Variants in PPFIA4 observed in about 807,000 individuals in gnomAD.
PPFIA4 encodes PPFI scaffold protein A4, also known as liprin-alpha-4.
A neutral mutation model predicts 145.7 loss-of-function variants in PPFIA4; 98 were observed. The observed-to-expected ratio is 0.67, with a 90% CI of 0.57 to 0.80. PPFIA4 has a LOEUF of 0.80. Ranked by LOEUF, PPFIA4 falls within the 30% of genes least tolerant of loss-of-function variation. The pLI, the probability that PPFIA4 is intolerant of heterozygous loss-of-function variation, is 0.00. For synonymous variants in PPFIA4, 628 were observed against 649.6 expected, an observed-to-expected ratio of 0.97 and a Z score of 0.51; for missense variants, 1,457 against 1,632.7, an observed-to-expected ratio of 0.89 and a Z score of 1.85.
At chr1:203,035,236 TA>T (rs1214361571) in intron 1 of PPFIA4, 2 of 455,226 alleles carry the variant, frequency 4.4e-6, no homozygotes, top group African/African-American at 4.0e-5. Flanking sequence ...CAGACGCTCC[TA>T]GCGGCCCTGC....
At chr1:203,035,186 C>T in intron 1 of PPFIA4, 2 of 413,662 alleles carry the variant, frequency 4.8e-6, no homozygotes, top group Non-Finnish European at 9.9e-6. Flanking sequence ...CTCGTGGCTG[C>T]CACCTGGAGG....
At position 203,043,943 on chromosome 1, in the gene PPFIA4, C is replaced by T. The variant is rs747957435; in HGVS notation, c.349C>T (p.His117Tyr). 52 of 1,605,906 alleles carry T rather than the reference C, an allele frequency of 3.2e-5. No homozygotes were observed. Among genetic ancestry groups the T allele is most frequent in the Admixed American group, 6.7e-5 (4 of 59,308 alleles). Residue 117 changes from histidine (H) to tyrosine (Y), a missense_variant, in exon 4 of 30, where the codon CAT (histidine) becomes TAT (tyrosine). This residue lies in a region of PPFIA4 where 463 missense variants were observed against 459.8 expected (regional missense o/e 1.01). Transcript: ENST00000295706. The surrounding 1 kb of genome is among the most constrained non-coding windows in gnomAD (Gnocchi z 4.4). ...ERNNTRLLLEHLECLVSRHER... is the reference protein window; with the variant it reads ...ERNNTRLLLEYLECLVSRHER... The stretch of plus-strand genomic sequence containing the variant: ...CTCTCCCTGCCAGCTGCTTCTGGAA[C>T]ATCTGGAGTGCCTGGTGTCCCGCCA...
chr1:203,044,190 G>A, intron 4 of PPFIA4, 95 bp downstream of exon 4: 1 of 1,364,556 alleles, frequency 7.3e-7, no homozygotes, highest in Non-Finnish European at 9.9e-7. Flanking sequence ...GGTATTTAGG[G>A]AGCACTGGCT....
At chr1:203,035,007 ATAAAT>A (rs1454888608) in intron 1 of PPFIA4, among the ~76,000 whole-genome samples, 3 of 152,246 alleles carry the variant, frequency 2.0e-5, no homozygotes, top group African/African-American at 7.2e-5. Context: ...GAGGATTAAA[ATAAAT>A]TAATCCATAC....
At chr1:203,053,425 C>T (rs903492279) in intron 14 of PPFIA4, among the ~76,000 whole-genome samples, 5 of 152,180 alleles carry the variant, frequency 3.3e-5, no homozygotes, top group East Asian at 1.9e-4. Context: ...CCTAGCTACT[C>T]GGGAGTCTGA....
At chr1:203,029,534 CTGTCTTACA>C (rs950499831) in intron 1 of PPFIA4, among the ~76,000 whole-genome samples, 1 of 152,252 alleles carries the variant, frequency 6.6e-6, no homozygotes, top group Non-Finnish European at 1.5e-5. Context: ...TGTGAACTTT[CTGTCTTACA>C]TGTCTTTTGC....
chr1:203,048,416 CCA>C lies in PPFIA4; in HGVS notation c.1224+109_1224+110del, dbSNP rs1558077915. 1.4e-6 allele frequency: 2 copies of C among 1,474,510 alleles called. No homozygotes were observed. The highest frequency in any genetic ancestry group is 1.4e-5 in the African/African-American group (1 of 71,538). The allele number at this position is 1,474,510 out of a possible 1,614,324, so 91.3% of individuals were successfully genotyped here. A position where few individuals can be genotyped will look rare whatever the true frequency, so the allele number is the denominator to read the frequency against. ...AGGAAGGGCCTGGCCAGGGACACAG[CCA>C]CAGAGAGTGGGAGGAGGCTGGCAGG... On this transcript the variant is annotated intron_variant, in intron 10 of 29. Transcript: ENST00000295706. This position sits in a 1 kb window ranked among gnomAD's most constrained non-coding sequence, Gnocchi z 5.8.
At chr1:203,034,086 T>C (rs10920549) in intron 1 of PPFIA4, among the ~76,000 whole-genome samples, 1 of 152,084 alleles carries the variant, frequency 6.6e-6, no homozygotes, top group East Asian at 1.9e-4. Flanking sequence ...GAGAAGCCCC[T>C]TGAAGAGAGG....
At position 203,051,840 on chromosome 1, in the gene PPFIA4, A is replaced by T. The variant is rs766939806; in HGVS notation, c.1583A>T (p.His528Leu). The change falls in exon 14 of 30, where the codon CAT (histidine) becomes CTT (leucine). Residue 528 changes from histidine (H) to leucine (L), a missense_variant. Physicochemically the swap from His to Leu is moderately conservative, Grantham distance 99. Around this residue, in one of 3 missense-constraint regions of PPFIA4, gnomAD observed 848 missense variants for 1,046.7 expected, o/e 0.81. Coordinates refer to ENST00000295706, the MANE Select transcript of PPFIA4 (RefSeq NM_001304331.2). Reference protein sequence around the residue: ...GTTTHAPPGVHRRYSALREES... With the variant: ...GTTTHAPPGVLRRYSALREES... ...ACCACACACGCACCCCCAGGCGTGC[A>T]TCGCCGCTACTCGGCATTGAGGGAA... 3.7e-6 allele frequency: 6 copies of T among 1,613,676 alleles called. No homozygotes were observed. The South Asian group carries it at 5.5e-5, about 15-fold the overall frequency.
At chr1:203,056,316 T>G in intron 17 of PPFIA4, 59 bp from the exon 18 acceptor site, 1 of 1,602,728 alleles carries the variant, frequency 6.2e-7, no homozygotes, top group Non-Finnish European at 8.5e-7. Flanking sequence ...TCTTCTGGGC[T>G]GGGTAGGCAG....
At chr1:203,038,161 G>A (rs1659436102) in intron 1 of PPFIA4, among the ~76,000 whole-genome samples, 1 of 152,180 alleles carries the variant, frequency 6.6e-6, no homozygotes, top group African/African-American at 2.4e-5. Context: ...CTCCCACTAA[G>A]AGTCCTTTCT....
At chr1:203,070,033 A>T (rs1484766899) in intron 27 of PPFIA4, among the ~76,000 whole-genome samples, 1 of 152,186 alleles carries the variant, frequency 6.6e-6, no homozygotes, top group Non-Finnish European at 1.5e-5. Context: ...TAAAAATGTT[A>T]TGTTCCCAAT....
At chr1:203,049,859 C>T in intron 13 of PPFIA4, 92 bp downstream of exon 13, 1 of 1,106,618 alleles carries the variant, frequency 9.0e-7, no homozygotes, top group East Asian at 3.0e-5. Context: ...CTGCCCAGGA[C>T]CTCAGGGTCC....
intron 1 of PPFIA4, chr1:203,034,578 G>A (rs1207248854): frequency 2.2e-6 from 1 of 456,348 alleles, no homozygotes. Flanking sequence ...CAGGGAAGCT[G>A]CCTACAACTT....
chr1:203,052,052 C>T (rs1660565380), intron 14 of PPFIA4, among the ~76,000 whole-genome samples, 175 bp downstream of exon 14: 2 of 140,062 alleles, frequency 1.4e-5, no homozygotes, highest in South Asian at 4.7e-4. Context: ...TGTGCCCCCC[C>T]CCCCGCTTGC....
rs545466338 is a variant in PPFIA4, at chr1:203,061,469, A to C, written c.2848-183A>C. 1.0e-5 allele frequency: 6 copies of C among 588,156 alleles called. No individual in the cohort carries two copies. The South Asian group carries it at 1.5e-4, about 15-fold the overall frequency. 36.4% of individuals were successfully genotyped at this position (588,156 alleles called of 1,614,324 possible). On this transcript the variant is annotated intron_variant, in intron 23 of 29. Coordinates refer to ENST00000295706, the MANE Select transcript of PPFIA4 (RefSeq NM_001304331.2). Reference sequence around the variant, plus strand: ...GCCACACACACATTTGCCCCACCTCAACGCAAACATGGGTGCACACACCAA... The same window carrying C: ...GCCACACACACATTTGCCCCACCTCCACGCAAACATGGGTGCACACACCAA...
At position 203,077,917 on chromosome 1, in the gene PPFIA4, A is replaced by T. The variant is rs1380098224; in HGVS notation, c.*1527A>T. ...AGGGGCCAGTGCAGTGCCATCCTAC[A>T]GGTGGCTGGAGCAGCTGCTTTGCAA... On this transcript the variant is annotated 3_prime_UTR_variant, in exon 30 of 30. Transcript: ENST00000295706. 1 of 152,282 alleles carries T rather than the reference A, an allele frequency of 6.6e-6. No homozygotes were observed. The highest frequency in any genetic ancestry group is 1.5e-5 in the Non-Finnish European group (1 of 68,066). 9.4% of individuals were successfully genotyped at this position (152,282 alleles called of 1,614,324 possible).
intron 1 of PPFIA4, among the ~76,000 whole-genome samples, chr1:203,036,086 TC>T (rs1265535079): frequency 1.3e-5 from 2 of 152,184 alleles, no homozygotes; most frequent in Non-Finnish European, 2.9e-5. Flanking sequence ...GAGGTCCTGT[TC>T]TTCCTTCCTG....
chr1:203,068,644 A>G lies in PPFIA4; in HGVS notation c.3324+16A>G, dbSNP rs1661903946. 6 of 1,486,702 alleles carry G rather than the reference A, an allele frequency of 4.0e-6. No individual in the cohort carries two copies. The highest frequency in any genetic ancestry group is 5.4e-6 in the Non-Finnish European group (6 of 1,119,520). 92.1% of individuals were successfully genotyped at this position (1,486,702 alleles called of 1,614,324 possible). ...GAACACCCAGGTGGGCAGCCTTTTAATCAGTCAACTTGAGTCTCTCCCTGT... is the reference window on the plus strand; with the variant it reads ...GAACACCCAGGTGGGCAGCCTTTTAGTCAGTCAACTTGAGTCTCTCCCTGT... On this transcript the variant is annotated intron_variant, in intron 27 of 29. Coordinates refer to ENST00000295706, the MANE Select transcript of PPFIA4 (RefSeq NM_001304331.2). This position sits in a 1 kb window ranked among gnomAD's most constrained non-coding sequence, Gnocchi z 4.7.
Sources: allele counts gnomAD v4.1 joint callset (sites outside exome capture counted in the v4.1 genomes callset), GRCh38; gene constraint gnomAD v4.1.1; regional missense constraint gnomAD v4.1.1; non-coding constraint Gnocchi (gnomAD v3.1); transcripts MANE v1.5; gene names NCBI Gene and HGNC (gene_info 2026-07-23, HGNC 2026-07-21).